Variants in F5 observed in about 807,000 individuals in gnomAD.
F5 encodes activated protein c cofactor.
In F5, 138 loss-of-function variants were observed where a neutral mutation model predicts 216.4. The ratio of observed to expected loss-of-function variants is 0.64; its 90% CI spans 0.56 to 0.73. F5 has a LOEUF of 0.73. Among genes scored for constraint, F5 ranks in the 30% least tolerant of loss-of-function variants. The probability of loss-of-function intolerance (pLI) is 0.00; values close to 1 mark genes in which losing one functional copy is unlikely to be tolerated. For missense variants in F5, 2,403 were observed against 2,674.0 expected (o/e 0.90, Z 2.24); for synonymous variants, 916 against 930.7 (o/e 0.98, Z 0.29).
intron 1 of F5, among the ~76,000 whole-genome samples, chr1:169,585,887 A>G (rs979626168): frequency 4.6e-5 from 7 of 152,214 alleles, no homozygotes; most frequent in African/African-American, 1.7e-4. Flanking sequence ...GTTTGCAGGA[A>G]GGGCTAATGA....
At chr1:169,563,269 T>C (rs540496910) in intron 3 of F5, among the ~76,000 whole-genome samples, 1 of 152,244 alleles carries the variant, frequency 6.6e-6, no homozygotes, top group African/African-American at 2.4e-5. Flanking sequence ...TTATCACTGG[T>C]TTCCAGCAAC....
chr1:169,526,593 G>T (rs1659458208), intron 17 of F5, among the ~76,000 whole-genome samples: 1 of 152,078 alleles, frequency 6.6e-6, no homozygotes, highest in Non-Finnish European at 1.5e-5. Context: ...TTTAAATTCT[G>T]TTGACTATAA....
intron 12 of F5, among the ~76,000 whole-genome samples, chr1:169,543,967 C>T (rs1007161802): frequency 2.0e-5 from 3 of 152,078 alleles, no homozygotes; most frequent in African/African-American, 7.2e-5. Context: ...TGCAAAAAAC[C>T]GAATAGGGCA....
rs1256561903 is a variant in F5, at chr1:169,520,614, G to A, written c.6099C>T (p.Asp2033=). 1 of 1,613,872 alleles carries A rather than the reference G, an allele frequency of 6.2e-7. No homozygotes were observed. Among genetic ancestry groups the A allele is most frequent in the African/African-American group, 1.3e-5 (1 of 75,006 alleles). ...TAATATATCTAGCCACAATAGGTGG[G>A]TCAAACTGATTCTCTTTTATTGTAG... ...DASTIKENQF[D]PPIVARYIRI... The change falls in exon 22 of 25, where the codon GAC becomes GAT. Residue 2033 remains aspartate, a synonymous_variant. Coordinates refer to ENST00000367797, the MANE Select transcript of F5 (RefSeq NM_000130.5).
At chr1:169,544,999 C>T (rs1226124488) in intron 11 of F5, among the ~76,000 whole-genome samples, 1 of 152,150 alleles carries the variant, frequency 6.6e-6, no homozygotes, top group Non-Finnish European at 1.5e-5. Flanking sequence ...CCAGTTCATA[C>T]ATTTCATTAT....
chr1:169,523,765 G>T, intron 20 of F5, 36 bp downstream of exon 20: 2 of 1,463,236 alleles, frequency 1.4e-6, no homozygotes, highest in Non-Finnish European at 1.9e-6. Context: ...TTATTATTAC[G>T]ATAGCAGTAA....
chr1:169,569,571 A>C (rs1309022935), intron 3 of F5, among the ~76,000 whole-genome samples: 3 of 152,108 alleles, frequency 2.0e-5, no homozygotes, highest in Non-Finnish European at 2.9e-5. Context: ...GTTTCTGAAA[A>C]TTTAACCTCA....
At chr1:169,570,925 C>T (rs368628463) in intron 3 of F5, among the ~76,000 whole-genome samples, 1 of 152,040 alleles carries the variant, frequency 6.6e-6, no homozygotes, top group East Asian at 1.9e-4. Context: ...GGTTAAATAA[C>T]TTCATAAAAG....
rs140426662 is a variant in F5 at position 169,523,790 on chromosome 1, T to C, written c.5892+11A>G. The C allele has an allele frequency of 1.5e-5, 24 of 1,599,958 alleles. No homozygotes were observed. The highest frequency in any genetic ancestry group is 2.1e-5 in the Non-Finnish European group (24 of 1,167,460). ...GATAGCAGTAAATATTATCAGTCTA[T>C]TAAGACAAACCTGGATCCAAGGTTT... On this transcript the variant is annotated intron_variant, in intron 20 of 24. Coordinates refer to ENST00000367797, the MANE Select transcript of F5 (RefSeq NM_000130.5).
chr1:169,540,183 C>T (rs1396225184), intron 13 of F5, 111 bp downstream of exon 13: 1 of 1,187,322 alleles, frequency 8.4e-7, no homozygotes, highest in Non-Finnish European at 1.2e-6. Flanking sequence ...AATAGGGGAA[C>T]CACACTGTTC....
chr1:169,539,003 G>A (rs2101816556), intron 13 of F5, among the ~76,000 whole-genome samples: 1 of 152,230 alleles, frequency 6.6e-6, no homozygotes, highest in African/African-American at 2.4e-5. Context: ...TTGACTGTAT[G>A]TGAATCTATT....
rs1659711824 is a variant in F5, at chr1:169,536,646, C to T, written c.4831G>A (p.Glu1611Lys). Residue 1611 changes from glutamate (E) to lysine (K), a missense_variant, in exon 14 of 25, where the codon GAA becomes AAA. Physicochemically the swap from Glu to Lys is moderately conservative, Grantham distance 56. Around this residue, in one of 4 missense-constraint regions of F5, gnomAD observed 659 missense variants for 787.9 expected, o/e 0.84. Coordinates refer to ENST00000367797, the MANE Select transcript of F5 (RefSeq NM_000130.5). The stretch of plus-strand genomic sequence containing the variant: ...ACTACTTTCTTATATGTGGTATCTT[C>T]TGGAATATCATCAGAGTCTTCAATA... Reference protein sequence around the residue: ...TDIEDSDDIPEDTTYKKVVFR... With the variant: ...TDIEDSDDIPKDTTYKKVVFR... 1 of 1,612,630 alleles carries T rather than the reference C, an allele frequency of 6.2e-7. No individual in the cohort carries two copies. Among genetic ancestry groups the T allele is most frequent in the African/African-American group, 1.3e-5 (1 of 74,872 alleles).
chr1:169,552,502 T>G (rs1220619438), intron 8 of F5, 55 bp downstream of exon 8: 1 of 1,412,454 alleles, frequency 7.1e-7, no homozygotes, highest in African/African-American at 1.4e-5. Context: ...AACCAGGTAC[T>G]CCATAATATT....
In F5 at chr1:169,521,871, G is replaced by A. The variant is rs144826311; in HGVS notation, c.6049-1207C>T. Among the ~76,000 whole-genome samples, 894 of 151,770 alleles carry A rather than the reference G, an allele frequency of 5.9e-3. 11 individuals carry two copies. Among genetic ancestry groups the A allele is most frequent in the African/African-American group, 0.02 (843 of 41,356 alleles). ...CTTGACCTCGTGATCTGCCCACCTCGGCCTCCCAAAGTGCTGGGATTACAG... is the reference window on the plus strand; with the variant it reads ...CTTGACCTCGTGATCTGCCCACCTCAGCCTCCCAAAGTGCTGGGATTACAG... On this transcript the variant is annotated intron_variant, in intron 21 of 24. Coordinates refer to ENST00000367797, the MANE Select transcript of F5 (RefSeq NM_000130.5).
At chr1:169,562,972 G>A (rs1324600678) in intron 3 of F5, among the ~76,000 whole-genome samples, 4 of 151,874 alleles carry the variant, frequency 2.6e-5, no homozygotes, top group African/African-American at 9.7e-5. Context: ...CTATCTAAAG[G>A]AGTTCCTTTA....
Position 169,541,918 on chromosome 1 carries a change from T to A in F5, c.3172A>T (p.Thr1058Ser). ...FHPLRSEAYN[T>S]FSERRLKHSL... The stretch of plus-strand genomic sequence containing the variant: ...TGCTTAAGTCTTCTTTCTGAAAATG[T>A]GTTGTAGGCTTCACTTCTTAGAGGG... The change falls in exon 13 of 25, where the codon ACA becomes TCA. Residue 1058 changes from threonine (T) to serine (S), a missense_variant. Coordinates refer to ENST00000367797, the MANE Select transcript of F5 (RefSeq NM_000130.5). 1 of 1,614,120 alleles carries A rather than the reference T, an allele frequency of 6.2e-7. No homozygotes were observed. The highest frequency in any genetic ancestry group is 1.1e-5 in the South Asian group (1 of 91,084).
intron 3 of F5, among the ~76,000 whole-genome samples, chr1:169,563,647 TA>T (rs1170878343): frequency 6.6e-5 from 10 of 152,256 alleles, no homozygotes; most frequent in African/African-American, 2.2e-4. Context: ...GTTTATAATA[TA>T]TTTTTTTATC....
intron 10 of F5, among the ~76,000 whole-genome samples, chr1:169,548,215 A>C (rs1160243512): frequency 6.6e-6 from 1 of 152,164 alleles, no homozygotes; most frequent in East Asian, 1.9e-4. Flanking sequence ...AAAGAGGGAG[A>C]GGATCAGAAA....
intron 9 of F5, 126 bp from the exon 10 acceptor site, chr1:169,550,141 T>A (rs916217403): frequency 8.0e-5 from 62 of 778,072 alleles, no homozygotes; most frequent in Admixed American, 7.0e-4. Flanking sequence ...TTATTTTTTT[T>A]AAATTATACT....
Sources: allele counts gnomAD v4.1 joint callset (sites outside exome capture counted in the v4.1 genomes callset), GRCh38; gene constraint gnomAD v4.1.1; regional missense constraint gnomAD v4.1.1; transcripts MANE v1.5; gene names NCBI Gene and HGNC (gene_info 2026-07-23, HGNC 2026-07-21).